Variants in RGS22 observed in about 807,000 individuals in gnomAD.
RGS22 encodes regulator of G protein signaling 22.
In RGS22, 148 loss-of-function variants were observed where a neutral mutation model predicts 172.9. The observed-to-expected ratio is 0.86, with a 90% CI of 0.75 to 0.98. The LOEUF (loss-of-function observed/expected upper bound fraction) is 0.98. RGS22 is among the 50% of genes least tolerant of loss of function. The pLI, the probability that RGS22 is intolerant of heterozygous loss-of-function variation, is 0.00. For missense variants in RGS22, 1,347 were observed against 1,440.8 expected, an observed-to-expected ratio of 0.93 and a Z score of 1.05; for synonymous variants, 458 against 480.2, an observed-to-expected ratio of 0.95 and a Z score of 0.60.
intron 14 of RGS22, among the ~76,000 whole-genome samples, chr8:100,036,589 G>A (rs2131577992): frequency 6.6e-6 from 1 of 152,202 alleles, no homozygotes; most frequent in East Asian, 1.9e-4. Flanking sequence ...ATAAAATCAA[G>A]TTCATAGAAA....
At position 99,973,868 on chromosome 8, in the gene RGS22, CA is replaced by C. The variant is rs563552845; in HGVS notation, c.3519+4048del. Among the ~76,000 whole-genome samples the C allele has an allele frequency of 2.9e-3, 276 of 94,410 alleles. 1 individual carries two copies. Among genetic ancestry groups the C allele is most frequent in the South Asian group, 0.013 (39 of 3,026 alleles). The allele number at this position is 94,410 out of a possible 152,430, so 61.9% of individuals were successfully genotyped here. A position where few individuals can be genotyped will look rare whatever the true frequency, so the allele number is the denominator to read the frequency against. On this transcript the variant is annotated intron_variant, in intron 23 of 27. Transcript: ENST00000360863. ...CGGGCGACAGAGTGAGACTCCATCT[CA>C]AAAAAAAAAAAAACAAAAAAAACCC...
At chr8:100,065,751 A>C (rs1237056212) in intron 7 of RGS22, among the ~76,000 whole-genome samples, 1 of 152,174 alleles carries the variant, frequency 6.6e-6, no homozygotes, top group Non-Finnish European at 1.5e-5. Context: ...TTTTTTAGGA[A>C]GGGAAAAATG....
chr8:100,040,296 A>G (rs965904247), intron 12 of RGS22, among the ~76,000 whole-genome samples: 9 of 152,228 alleles, frequency 5.9e-5, no homozygotes, highest in African/African-American at 2.2e-4. Flanking sequence ...GCCACAGAAT[A>G]TATTCTATTA....
intron 3 of RGS22, among the ~76,000 whole-genome samples, chr8:100,088,798 C>T (rs963303943): frequency 2.6e-5 from 4 of 151,686 alleles, no homozygotes; most frequent in Non-Finnish European, 4.4e-5. Flanking sequence ...TACCACAATC[C>T]GGTTATAGGA....
At chr8:100,034,079 A>G (rs1819163257) in intron 14 of RGS22, among the ~76,000 whole-genome samples, 1 of 151,998 alleles carries the variant, frequency 6.6e-6, no homozygotes, top group African/African-American at 2.4e-5. Flanking sequence ...CTCTCTCACC[A>G]CTCCTATTCA....
At chr8:100,044,257 T>C (rs1226364426) in intron 11 of RGS22, among the ~76,000 whole-genome samples, 1 of 152,190 alleles carries the variant, frequency 6.6e-6, no homozygotes, top group Non-Finnish European at 1.5e-5. Flanking sequence ...TTTGTTCGTT[T>C]GTTTGTTTTT....
chr8:100,013,640 A>G (rs1355891256), intron 14 of RGS22, among the ~76,000 whole-genome samples: 1 of 152,160 alleles, frequency 6.6e-6, no homozygotes, highest in Non-Finnish European at 1.5e-5. Context: ...TTTCTTCAAA[A>G]TAAGTTTCTC....
chr8:100,053,424 A>G lies in RGS22; in HGVS notation c.1515-448T>C, dbSNP rs114187527. Among the ~76,000 whole-genome samples the G allele has an allele frequency of 6.3e-3, 716 of 114,162 alleles. 5 individuals carry two copies. The highest frequency in any genetic ancestry group is 0.047 in the Middle Eastern group (10 of 214). 74.9% of individuals were successfully genotyped at this position (114,162 alleles called of 152,430 possible). On this transcript the variant is annotated intron_variant, in intron 9 of 27. Transcript: ENST00000360863. ...GCGACAAGAGCAAAACTCCATCTAA[A>G]AAAGGGAGGAAGGAAGGAAGGAAGG...
intron 9 of RGS22, among the ~76,000 whole-genome samples, chr8:100,060,977 CCAAT>C (rs1810089692): frequency 6.6e-6 from 1 of 151,970 alleles, no homozygotes; most frequent in South Asian, 2.1e-4. Context: ...GACACACAGA[CCAAT>C]CAAACAATAG....
At chr8:100,102,418 T>C (rs1813568891) in intron 2 of RGS22, among the ~76,000 whole-genome samples, 1 of 152,222 alleles carries the variant, frequency 6.6e-6, no homozygotes, top group Admixed American at 6.5e-5. Flanking sequence ...CCGTGACACA[T>C]TTTTCCTAAG....
At chr8:99,977,867 TCA>T (rs1812144787) in intron 23 of RGS22, 48 bp downstream of exon 23, 1 of 1,431,448 alleles carries the variant, frequency 7.0e-7, no homozygotes, top group East Asian at 2.5e-5. Context: ...TTCACACATA[TCA>T]CATAACTTTT....
Position 99,996,901 on chromosome 8 carries a change from A to G in RGS22, c.2950-371T>C, listed in dbSNP as rs146760387. ...TTAAAAGAGTACTAAAAGTTACTCAACATGGAAATACAGTAGATATTTCTT... is the reference window on the plus strand; with the variant it reads ...TTAAAAGAGTACTAAAAGTTACTCAGCATGGAAATACAGTAGATATTTCTT... On this transcript the variant is annotated intron_variant, in intron 19 of 27. Coordinates refer to ENST00000360863, the MANE Select transcript of RGS22 (RefSeq NM_015668.5). Among the ~76,000 whole-genome samples, 1,081 of 152,346 alleles carry G rather than the reference A, an allele frequency of 7.1e-3. 12 individuals carry two copies. Among genetic ancestry groups the G allele is most frequent in the African/African-American group, 0.025 (1,032 of 41,586 alleles).
Position 100,064,063 on chromosome 8 carries a change from G to A in RGS22, c.725-20C>T, listed in dbSNP as rs1182735320. The A allele has an allele frequency of 1.4e-6, 2 of 1,461,980 alleles. No homozygotes were observed. The highest frequency in any genetic ancestry group is 1.8e-6 in the Non-Finnish European group (2 of 1,105,288). The allele number at this position is 1,461,980 out of a possible 1,614,324, so 90.6% of individuals were successfully genotyped here. ...AATTCTCTGTATTAAGTCATAAAAA[G>A]CTATTAGATTAGATATGAATACAAA... On this transcript the variant is annotated intron_variant, in intron 7 of 27. Coordinates refer to ENST00000360863, the MANE Select transcript of RGS22 (RefSeq NM_015668.5).
In RGS22 at chr8:100,052,979, G is replaced by A; in HGVS notation, c.1515-3C>T. ...GAGTAACACAGAATCTTGGTGCCCTGTTTATTGGAAAAATAAATGTAAGAT... is the reference window on the plus strand; with the variant it reads ...GAGTAACACAGAATCTTGGTGCCCTATTTATTGGAAAAATAAATGTAAGAT... On this transcript the variant is annotated splice_region_variant and splice_polypyrimidine_tract_variant and intron_variant, in intron 9 of 27. Coordinates refer to ENST00000360863, the MANE Select transcript of RGS22 (RefSeq NM_015668.5). 6.2e-7 allele frequency: 1 copy of A among 1,611,984 alleles called. No homozygotes were observed. Among genetic ancestry groups the A allele is most frequent in the Non-Finnish European group, 8.5e-7 (1 of 1,178,888 alleles).
intron 21 of RGS22, among the ~76,000 whole-genome samples, chr8:99,984,896 A>G (rs1281974365): frequency 6.6e-6 from 1 of 152,028 alleles, no homozygotes; most frequent in East Asian, 1.9e-4. Flanking sequence ...ATCTTTTCCC[A>G]TCATTGATTA....
At chr8:99,987,103 C>A (rs919856995) in intron 21 of RGS22, among the ~76,000 whole-genome samples, 2 of 152,112 alleles carry the variant, frequency 1.3e-5, no homozygotes, top group African/African-American at 4.8e-5. Flanking sequence ...ACTGGTTGAG[C>A]ATTCCAAACC....
intron 9 of RGS22, among the ~76,000 whole-genome samples, chr8:100,062,115 C>A (rs1810183546): frequency 6.6e-6 from 1 of 151,804 alleles, no homozygotes; most frequent in Non-Finnish European, 1.5e-5. Context: ...CATGGATACA[C>A]AGAGGGGAAC....
chr8:99,988,201 AT>A (rs1160552131), intron 20 of RGS22, among the ~76,000 whole-genome samples: 4 of 151,642 alleles, frequency 2.6e-5, no homozygotes, highest in Non-Finnish European at 5.9e-5. Flanking sequence ...ATGATTTAAA[AT>A]AATGATAACA....
intron 3 of RGS22, among the ~76,000 whole-genome samples, chr8:100,084,912 T>C (rs186695021): frequency 6.6e-6 from 1 of 152,358 alleles, no homozygotes; most frequent in Admixed American, 6.5e-5. Flanking sequence ...CTTGTGTAAA[T>C]GCAAATGCCA....
Sources: allele counts gnomAD v4.1 joint callset (sites outside exome capture counted in the v4.1 genomes callset), GRCh38; gene constraint gnomAD v4.1.1; transcripts MANE v1.5; gene names NCBI Gene and HGNC (gene_info 2026-07-23, HGNC 2026-07-21).